Variants in DMXL1 observed in about 807,000 individuals in gnomAD.
DMXL1 encodes the protein dmX-like protein 1.
Under a neutral mutation model 319.2 loss-of-function variants are expected in DMXL1, and 99 were observed. The observed-to-expected ratio is 0.31, with a 90% confidence interval of 0.26 to 0.37. The LOEUF (loss-of-function observed/expected upper bound fraction) is 0.37. Ranked by LOEUF, DMXL1 falls within the 10% of genes least tolerant of loss-of-function variation. The pLI is 1.00. For synonymous variants in DMXL1, 1,385 were observed against 1,235.2 expected (o/e 1.12, Z -2.54); for missense variants, 3,745 against 3,595.6 (o/e 1.04, Z -1.06).
At chr5:119,189,098 A>G (rs1778257128) in intron 28 of DMXL1, among the ~76,000 whole-genome samples, 1 of 152,132 alleles carries the variant, frequency 6.6e-6, no homozygotes, top group African/African-American at 2.4e-5. Flanking sequence ...GTAATATACT[A>G]AAAAAATACT....
At chr5:119,158,135 T>C (rs1771499353) in intron 19 of DMXL1, among the ~76,000 whole-genome samples, 1 of 151,484 alleles carries the variant, frequency 6.6e-6, no homozygotes, top group Admixed American at 6.6e-5. Context: ...CAAATGATCC[T>C]CCCACCCTGG....
At position 119,133,710 on chromosome 5, in the gene DMXL1, A is replaced by G. The variant is rs1367152836; in HGVS notation, c.1786A>G (p.Asn596Asp). The change falls in exon 12 of 44, where the codon AAT becomes GAT. Residue 596 changes from asparagine to aspartate, a missense_variant. Transcript: ENST00000539542. ...TTTAAAATTAAGTATTTTTACGCCT[A>G]ATGTTATGATGATATCAAAACATGC... ...NSLKLSIFTP[N>D]VMMISKHADG... The G allele has an allele frequency of 6.2e-7, 1 of 1,614,078 alleles. No homozygotes were observed. Among genetic ancestry groups the G allele is most frequent in the African/African-American group, 1.3e-5 (1 of 74,930 alleles).
intron 10 of DMXL1, among the ~76,000 whole-genome samples, chr5:119,131,003 CTTT>C (rs35682583): frequency 2.1e-5 from 3 of 142,290 alleles, no homozygotes; most frequent in Non-Finnish European, 1.5e-5. Flanking sequence ...CATTATATTA[CTTT>C]TTTTTTTTTT....
intron 32 of DMXL1, among the ~76,000 whole-genome samples, chr5:119,200,161 G>T (rs749102444): frequency 1.1e-4 from 16 of 151,996 alleles, no homozygotes; most frequent in African/African-American, 3.9e-4. Flanking sequence ...TCCTGTGTCC[G>T]GGGTGGTATT....
intron 26 of DMXL1, among the ~76,000 whole-genome samples, chr5:119,176,768 T>C (rs1045670535): frequency 2.4e-4 from 37 of 152,248 alleles, no homozygotes; most frequent in African/African-American, 8.9e-4. Context: ...CTGCAGGTTT[T>C]TTTGTTCATT....
chr5:119,123,479 A>C (rs1423792064), intron 9 of DMXL1, among the ~76,000 whole-genome samples: 1 of 143,310 alleles, frequency 7.0e-6, no homozygotes, highest in Non-Finnish European at 1.5e-5. Context: ...GGAGAGGGAG[A>C]GGCCTATTTT....
chr5:119,113,429 G>A (rs1760113976), intron 5 of DMXL1, among the ~76,000 whole-genome samples: 4 of 152,158 alleles, frequency 2.6e-5, no homozygotes, highest in Non-Finnish European at 1.5e-5. Context: ...TTTTAGCAGA[G>A]ATGGGGTTTC....
chr5:119,128,492 G>A (rs544886676), intron 9 of DMXL1: 1 of 160,184 alleles, frequency 6.2e-6, no homozygotes, highest in African/African-American at 2.4e-5. Context: ...TTATTTAGAG[G>A]TTAAATAAAA....
chr5:119,082,001 A>ATG (rs1752295056), intron 1 of DMXL1, among the ~76,000 whole-genome samples: 1 of 65,162 alleles, frequency 1.5e-5, no homozygotes, highest in South Asian at 7.5e-4. Flanking sequence ...TTAAGGTTAT[A>ATG]TATATATATA....
intron 19 of DMXL1, among the ~76,000 whole-genome samples, chr5:119,162,070 A>G (rs568793698): frequency 3.0e-4 from 46 of 152,306 alleles, no homozygotes; most frequent in East Asian, 1.5e-3. Flanking sequence ...GGGAAGCTCA[A>G]TGTCTGACCG....
At chr5:119,126,510 A>G (rs557026212) in intron 9 of DMXL1, among the ~76,000 whole-genome samples, 8 of 152,316 alleles carry the variant, frequency 5.3e-5, no homozygotes, top group Non-Finnish European at 7.4e-5. Flanking sequence ...ATATCTATTC[A>G]ATAAAAGACA....
At chr5:119,091,153 G>A (rs1054406248) in intron 1 of DMXL1, among the ~76,000 whole-genome samples, 1 of 151,838 alleles carries the variant, frequency 6.6e-6, no homozygotes, top group South Asian at 2.1e-4. Flanking sequence ...TACTGGTTGG[G>A]GTCAGGTTCC....
At position 119,164,691 on chromosome 5, in the gene DMXL1, T is replaced by C; in HGVS notation, c.4872+15T>C. On this transcript the variant is annotated intron_variant, in intron 20 of 43. Coordinates refer to ENST00000539542, the MANE Select transcript of DMXL1 (RefSeq NM_001290321.3). ...GCATAGAAAAAGTAAGTGTTTTATTTTGGTGTATAAGTGAATTAATATTTT... is the reference window on the plus strand; with the variant it reads ...GCATAGAAAAAGTAAGTGTTTTATTCTGGTGTATAAGTGAATTAATATTTT... The C allele has an allele frequency of 6.3e-7, 1 of 1,587,112 alleles. No individual in the cohort carries two copies. Among genetic ancestry groups the C allele is most frequent in the Non-Finnish European group, 8.6e-7 (1 of 1,161,622 alleles).
chr5:119,113,874 T>C (rs886630959), intron 5 of DMXL1, among the ~76,000 whole-genome samples: 1 of 152,244 alleles, frequency 6.6e-6, no homozygotes, highest in African/African-American at 2.4e-5. Context: ...TATCTAATCA[T>C]GCATTTGAGC....
chr5:119,209,443 G>A (rs904144691), intron 34 of DMXL1, among the ~76,000 whole-genome samples: 4 of 151,414 alleles, frequency 2.6e-5, no homozygotes, highest in African/African-American at 9.7e-5. Flanking sequence ...TTGACCTCCT[G>A]GGCTCAAGCA....
intron 13 of DMXL1, among the ~76,000 whole-genome samples, chr5:119,137,135 T>C (rs1334163250): frequency 6.6e-6 from 1 of 152,384 alleles, no homozygotes; most frequent in African/African-American, 2.4e-5. Context: ...AACCCACACC[T>C]GTGTCAATGT....
At chr5:119,244,303 G>A in intron 42 of DMXL1, 56 bp from the exon 43 acceptor site, 1 of 1,402,244 alleles carries the variant, frequency 7.1e-7, no homozygotes, top group Non-Finnish European at 9.7e-7. Context: ...CCAAAAGCCA[G>A]AAGTCTATTT....
At chr5:119,171,575 TC>T (rs1302280341) in intron 24 of DMXL1, among the ~76,000 whole-genome samples, 2 of 150,828 alleles carry the variant, frequency 1.3e-5, no homozygotes, top group Non-Finnish European at 3.0e-5. Flanking sequence ...ATTTTTTTTT[TC>T]CCTCTCTGTG....
chr5:119,114,625 T>A lies in DMXL1; in HGVS notation c.564+84T>A. The A allele has an allele frequency of 1.3e-5, 12 of 911,434 alleles. No homozygotes were observed. The South Asian group carries it at 1.9e-4, about 15-fold the overall frequency. 56.5% of individuals were successfully genotyped at this position (911,434 alleles called of 1,614,324 possible). ...AAAACATCAACTGGCTTCATTCTTT[T>A]ATTTATTTAACTTGAAAATAATAGT... is the stretch of plus-strand genomic sequence containing the variant. On this transcript the variant is annotated intron_variant, in intron 6 of 43. Transcript: ENST00000539542.
Sources: gnomAD v4.1 joint callset for allele counts (sites outside exome capture counted in the v4.1 genomes callset) on GRCh38, gnomAD v4.1.1 for gene constraint, MANE v1.5 for transcripts, NCBI Gene and HGNC (gene_info 2026-07-23, HGNC 2026-07-21) for gene names.